Variants in SLC35E1 observed in about 807,000 individuals in gnomAD.
The protein encoded by SLC35E1 is solute carrier family 35, member E1.
Under a neutral mutation model 31.0 loss-of-function variants are expected in SLC35E1, and 12 were observed. That is an observed-to-expected ratio of 0.39 (90% CI 0.25 to 0.63). The LOEUF is 0.63. Among genes scored for constraint, SLC35E1 ranks in the 20% least tolerant of loss-of-function variants. SLC35E1 has a pLI of 0.52. For missense variants in SLC35E1, 429 were observed against 572.2 expected, an observed-to-expected ratio of 0.75 and a Z score of 2.55; for synonymous variants, 257 against 264.1, an observed-to-expected ratio of 0.97 and a Z score of 0.26.
intron 4 of SLC35E1, among the ~76,000 whole-genome samples, chr19:16,559,193 G>A (rs536840512): frequency 4.6e-4 from 70 of 152,160 alleles, no homozygotes; most frequent in Middle Eastern, 6.8e-3. Flanking sequence ...GCAGGCGCCT[G>A]TAATCCCAGT....
chr19:16,561,740 C>T (rs1324153627), intron 4 of SLC35E1, among the ~76,000 whole-genome samples: 1 of 152,236 alleles, frequency 6.6e-6, no homozygotes, highest in Non-Finnish European at 1.5e-5. Flanking sequence ...TGCGACGGTG[C>T]TAACTAACCT....
chr19:16,556,338 T>C (rs575311456), intron 4 of SLC35E1, among the ~76,000 whole-genome samples: 223 of 149,632 alleles, frequency 1.5e-3, no homozygotes, highest in Middle Eastern at 0.01. Flanking sequence ...TGAGACCCTG[T>C]CTCTACAAAA....
chr19:16,569,353 G>A (rs1451214173), intron 2 of SLC35E1, among the ~76,000 whole-genome samples: 3 of 150,804 alleles, frequency 2.0e-5, no homozygotes, highest in Non-Finnish European at 1.5e-5. Context: ...TACATCATCC[G>A]GTCCCGTTAG....
chr19:16,572,243 C>T lies in SLC35E1; in HGVS notation c.122G>A (p.Ser41Asn). 6.6e-7 allele frequency: 1 copy of T among 1,523,234 alleles called. No homozygotes were observed. The highest frequency in any genetic ancestry group is 8.8e-7 in the Non-Finnish European group (1 of 1,134,522). The allele number at this position is 1,523,234 out of a possible 1,614,324, so 94.4% of individuals were successfully genotyped here. A position where few individuals can be genotyped will look rare whatever the true frequency, so the allele number is the denominator to read the frequency against. ...CTTGTTGACCACGTTGCCGCCCGCG[C>T]TCAGCGCGTACCACAGCAGGCACAG... ...AALCLLWYAL[S>N]AGGNVVNKVI... The change falls in exon 1 of 6, where the codon AGC becomes AAC. Residue 41 changes from serine (S) to asparagine (N), a missense_variant. Ser to Asn is a conservative substitution (Grantham distance 46). Transcript: ENST00000595753. This position sits in a 1 kb window ranked among gnomAD's most constrained non-coding sequence, Gnocchi z 4.1.
intron 1 of SLC35E1, among the ~76,000 whole-genome samples, 165 bp downstream of exon 1, chr19:16,571,779 C>T (rs1253140885): frequency 6.6e-6 from 1 of 152,208 alleles, no homozygotes; most frequent in Non-Finnish European, 1.5e-5. Flanking sequence ...CTCCTCTTCT[C>T]CCTGAGAACC....
Position 16,571,886 on chromosome 19 carries a change from G to A in SLC35E1, c.421+58C>T, listed in dbSNP as rs1046135964. 6.0e-6 allele frequency: 9 copies of A among 1,502,544 alleles called. No individual in the cohort carries two copies. The African/African-American group carries it at 8.4e-5, about 14-fold the overall frequency. 93.1% of individuals were successfully genotyped at this position (1,502,544 alleles called of 1,614,324 possible). On this transcript the variant is annotated intron_variant, in intron 1 of 5. Coordinates refer to ENST00000595753, the MANE Select transcript of SLC35E1 (RefSeq NM_024881.5). ...CCGGGCGGCGCACTCCTATCCATGCGCCCAAACCCGAAGCGGCGGGCCCGG... is the reference window on the plus strand; with the variant it reads ...CCGGGCGGCGCACTCCTATCCATGCACCCAAACCCGAAGCGGCGGGCCCGG...
rs796635838 is a variant in SLC35E1, at chr19:16,561,767, A to G, written c.756+4765T>C. ...AACTAACCTGCTGTCTGTGTAGTCTATGTGGGAGACACAAGACAAAGAGGG... is the reference window on the plus strand; with the variant it reads ...AACTAACCTGCTGTCTGTGTAGTCTGTGTGGGAGACACAAGACAAAGAGGG... On this transcript the variant is annotated intron_variant, in intron 4 of 5. Transcript: ENST00000595753. Among the ~76,000 whole-genome samples, 42 of 152,254 alleles carry G rather than the reference A, an allele frequency of 2.8e-4. 1 individual carries two copies. The highest frequency in any genetic ancestry group is 9.9e-4 in the African/African-American group (41 of 41,546).
intron 1 of SLC35E1, 108 bp from the exon 2 acceptor site, chr19:16,571,690 G>C: frequency 1.6e-6 from 2 of 1,227,862 alleles, no homozygotes; most frequent in Non-Finnish European, 2.4e-6. Flanking sequence ...ACACCTCTTC[G>C]CCCCTTCTCT....
At chr19:16,560,867 C>CAAAAACAAAAAACCAAAAAAAAAAAA (rs1568272912) in intron 4 of SLC35E1, among the ~76,000 whole-genome samples, 4 of 67,580 alleles carry the variant, frequency 5.9e-5, no homozygotes, top group African/African-American at 1.5e-4. Context: ...ATCTCAAAAA[C>CAAAAACAAAAAACCAAAAAAAAAAAA]AAAAAAAAAA....
intron 3 of SLC35E1, among the ~76,000 whole-genome samples, chr19:16,567,639 G>C (rs1364463498): frequency 6.6e-6 from 1 of 152,162 alleles, no homozygotes; most frequent in Non-Finnish European, 1.5e-5. Context: ...TCAGCTCACT[G>C]CAAGCCCCGC....
intron 4 of SLC35E1, chr19:16,565,087 C>T (rs533515272): frequency 1.8e-5 from 8 of 456,158 alleles, no homozygotes; most frequent in South Asian, 7.8e-5. Context: ...TCCTCCTCAC[C>T]GCAGGCACTT....
At chr19:16,566,701 T>C in intron 3 of SLC35E1, 44 bp from the exon 4 acceptor site, 2 of 1,582,354 alleles carry the variant, frequency 1.3e-6, no homozygotes, top group Non-Finnish European at 1.7e-6. Flanking sequence ...AAACTATATG[T>C]GGCAAAAAGG....
chr19:16,557,393 C>G (rs2085880371), intron 4 of SLC35E1, among the ~76,000 whole-genome samples: 1 of 152,054 alleles, frequency 6.6e-6, no homozygotes, highest in African/African-American at 2.4e-5. Context: ...CGGGGTTTCA[C>G]CGTGTTAGCC....
At chr19:16,556,852 AGACACGCTTAGGCGACCAGCTCAAT>A in intron 4 of SLC35E1, 2 of 471,244 alleles carry the variant, frequency 4.2e-6, no homozygotes, top group Non-Finnish European at 8.8e-6. Context: ...AAATGCAAGA[AGACACGCTTAGGCGACCAGCTCAAT>A]GTCAACCAAC....
chr19:16,567,039 T>A (rs773209587), intron 3 of SLC35E1, among the ~76,000 whole-genome samples: 2 of 152,222 alleles, frequency 1.3e-5, no homozygotes, highest in African/African-American at 2.4e-5. Context: ...AAGCCTATCA[T>A]AATGAAATAA....
At chr19:16,556,195 A>G (rs571598831) in intron 4 of SLC35E1, among the ~76,000 whole-genome samples, 1 of 152,100 alleles carries the variant, frequency 6.6e-6, no homozygotes, top group South Asian at 2.1e-4. Context: ...CCAGGGCAAC[A>G]GAGCGAGACT....
In SLC35E1 at chr19:16,572,393, C is replaced by A. The variant is rs1230870045; in HGVS notation, c.-29G>T. 6 of 992,642 alleles carry A rather than the reference C, an allele frequency of 6.0e-6. No homozygotes were observed. Among genetic ancestry groups the A allele is most frequent in the Non-Finnish European group, 7.2e-6 (6 of 834,906 alleles). 61.5% of individuals were successfully genotyped at this position (992,642 alleles called of 1,614,324 possible). ...GCCCGAGCGGCCGCCCCTTCCAGCCCGTCCGACGGCCCGACGCCGGGCGGG... is the reference window on the plus strand; with the variant it reads ...GCCCGAGCGGCCGCCCCTTCCAGCCAGTCCGACGGCCCGACGCCGGGCGGG... On this transcript the variant is annotated 5_prime_UTR_variant, in exon 1 of 6. Coordinates refer to ENST00000595753, the MANE Select transcript of SLC35E1 (RefSeq NM_024881.5). This position sits in a 1 kb window ranked among gnomAD's most constrained non-coding sequence, Gnocchi z 4.1.
chr19:16,570,755 G>A (rs1273066192), intron 2 of SLC35E1, among the ~76,000 whole-genome samples: 2 of 152,124 alleles, frequency 1.3e-5, no homozygotes, highest in South Asian at 2.1e-4. Flanking sequence ...CTTGGATCGC[G>A]TCTGGCTTCT....
chr19:16,553,997 G>A lies in SLC35E1; in HGVS notation c.1003-88C>T, dbSNP rs548151711. On this transcript the variant is annotated intron_variant, in intron 5 of 5. Transcript: ENST00000595753. ...GTCAATCAACTGGCTGGCTGCGGTG[G>A]CTCACACCTGTAATCCCAGCACTTT... The A allele has an allele frequency of 4.6e-5, 55 of 1,185,814 alleles. No individual in the cohort carries two copies. In the African/African-American group the frequency reaches 5.1e-4, roughly 11 times the overall value. 73.5% of individuals were successfully genotyped at this position (1,185,814 alleles called of 1,614,324 possible). A position where few individuals can be genotyped will look rare whatever the true frequency, so the allele number is the denominator to read the frequency against.
Sources: allele counts gnomAD v4.1 joint callset (sites outside exome capture counted in the v4.1 genomes callset), GRCh38; gene constraint gnomAD v4.1.1; non-coding constraint Gnocchi (gnomAD v3.1); transcripts MANE v1.5; gene names NCBI Gene and HGNC (gene_info 2026-07-23, HGNC 2026-07-21).